The following OR6C76 variants were observed in gnomAD, a reference collection of about 807,000 sequenced individuals.
OR6C76 encodes the protein olfactory receptor family 6 subfamily C member 76.
For synonymous variants in OR6C76, 140 were observed against 137.8 expected, an observed-to-expected ratio of 1.02 and a Z score of -0.11; for missense variants, 352 against 357.3, an observed-to-expected ratio of 0.99 and a Z score of 0.12.
At position 55,426,345 on chromosome 12, in the gene OR6C76, T is replaced by C; in HGVS notation, c.92T>C (p.Leu31Pro). The C allele has an allele frequency of 6.2e-7, 1 of 1,613,298 alleles. No homozygotes were observed. Among genetic ancestry groups the C allele is most frequent in the Non-Finnish European group, 8.5e-7 (1 of 1,179,406 alleles). Reference sequence around the variant, plus strand: ...GTTGTGATTTTCTCGTTCCTATTTCTTACGTATGTACTGAGTGTTACTGGA... The same window carrying C: ...GTTGTGATTTTCTCGTTCCTATTTCCTACGTATGTACTGAGTGTTACTGGA... ...LQVVIFSFLF[L>P]TYVLSVTGNL... Residue 31 changes from leucine (L) to proline (P), a missense_variant, in exon 1 of 1, where the codon CTT (leucine) becomes CCT (proline). Coordinates refer to ENST00000328314, the MANE Select transcript of OR6C76 (RefSeq NM_001005183.1).
Position 55,426,325 on chromosome 12 carries a change from G to A in OR6C76, c.72G>A (p.Val24=), listed in dbSNP as rs779086329. 4 of 1,613,398 alleles carry A rather than the reference G, an allele frequency of 2.5e-6. No homozygotes were observed. The highest frequency in any genetic ancestry group is 1.1e-5 in the South Asian group (1 of 90,968). The change falls in exon 1 of 1, where the codon GTG becomes GTA. Residue 24 remains valine (V), a synonymous_variant. Coordinates refer to ENST00000328314, the MANE Select transcript of OR6C76 (RefSeq NM_001005183.1). ...GLTDNPQLQV[V]IFSFLFLTYV... Reference sequence around the variant, plus strand: ...CGGATAATCCGCAACTGCAGGTTGTGATTTTCTCGTTCCTATTTCTTACGT... The same window carrying A: ...CGGATAATCCGCAACTGCAGGTTGTAATTTTCTCGTTCCTATTTCTTACGT...
rs1188691354 is a variant in OR6C76 at position 55,426,762 on chromosome 12, T to C, written c.509T>C (p.Val170Ala). 5 of 1,613,356 alleles carry C rather than the reference T, an allele frequency of 3.1e-6. No individual in the cohort carries two copies. The highest frequency in any genetic ancestry group is 2.7e-5 in the African/African-American group (2 of 74,882). Residue 170 changes from valine (V) to alanine (A), a missense_variant, in exon 1 of 1, where the codon GTC (valine) becomes GCC (alanine). Physicochemically the swap from Val to Ala is moderately conservative, Grantham distance 64 (BLOSUM62 0). Coordinates refer to ENST00000328314, the MANE Select transcript of OR6C76 (RefSeq NM_001005183.1). ...CAGCTGGATTTCTGTGACTCCAATG[T>C]CATTGACCACTTTACCTGTGACTCT... ...GLQLDFCDSN[V>A]IDHFTCDSAP... is the part of the protein sequence containing the mutation.
chr12:55,426,582 T>C lies in OR6C76; in HGVS notation c.329T>C (p.Phe110Ser). 1 of 1,613,882 alleles carries C rather than the reference T, an allele frequency of 6.2e-7. No homozygotes were observed. The highest frequency in any genetic ancestry group is 8.5e-7 in the Non-Finnish European group (1 of 1,179,844). ...ATCTTCCTTGGCTCAACGGAGTTTT[T>C]CCTCCTGGCCTCTATGTCCTATGAT... is the stretch of plus-strand genomic sequence containing the variant. Reference protein sequence around the residue: ...FFIFLGSTEFFLLASMSYDCY... With the variant: ...FFIFLGSTEFSLLASMSYDCY... Residue 110 changes from phenylalanine (F) to serine (S), a missense_variant, in exon 1 of 1, where the codon TTC becomes TCC. Physicochemically the swap from Phe to Ser is radical, Grantham distance 155. Transcript: ENST00000328314.
Position 55,426,572 on chromosome 12 carries a change from A to G in OR6C76, c.319A>G (p.Thr107Ala), listed in dbSNP as rs775466642. ...QLFFFIFLGS[T>A]EFFLLASMSY... ...ATTTTTCTTTATCTTCCTTGGCTCA[A>G]CGGAGTTTTTCCTCCTGGCCTCTAT... The change falls in exon 1 of 1, where the codon ACG becomes GCG. Residue 107 changes from threonine to alanine, a missense_variant. Transcript: ENST00000328314. The G allele has an allele frequency of 6.2e-7, 1 of 1,613,828 alleles. No individual in the cohort carries two copies. The highest frequency in any genetic ancestry group is 2.2e-5 in the East Asian group (1 of 44,872).
In OR6C76 at chr12:55,427,106, T is replaced by C. The variant is rs1870993764; in HGVS notation, c.853T>C (p.Phe285Leu). 2 of 1,612,442 alleles carry C rather than the reference T, an allele frequency of 1.2e-6. No homozygotes were observed. The highest frequency in any genetic ancestry group is 1.7e-6 in the Non-Finnish European group (2 of 1,179,216). Residue 285 changes from phenylalanine to leucine, a missense_variant, in exon 1 of 1, where the codon TTT (phenylalanine) becomes CTT (leucine). Phe to Leu is a conservative substitution (Grantham distance 22). Transcript: ENST00000328314. ...NTSVAPMLNP[F>L]IYTLRNQQVK... Reference sequence around the variant, plus strand: ...CTCTGTCGCTCCTATGCTGAATCCATTTATTTACACTCTAAGAAACCAGCA... The same window carrying C: ...CTCTGTCGCTCCTATGCTGAATCCACTTATTTACACTCTAAGAAACCAGCA...
chr12:55,427,064 G>A lies in OR6C76; in HGVS notation c.811G>A (p.Val271Ile), dbSNP rs750396986. 26 of 1,613,100 alleles carry A rather than the reference G, an allele frequency of 1.6e-5. No individual in the cohort carries two copies. Among genetic ancestry groups the A allele is most frequent in the Non-Finnish European group, 2.1e-5 (25 of 1,179,480 alleles). ...GGAAGGAGTTGCTTTGACAAAAGGAGTAGCTATACTCAATACCTCTGTCGC... is the reference window on the plus strand; with the variant it reads ...GGAAGGAGTTGCTTTGACAAAAGGAATAGCTATACTCAATACCTCTGTCGC... ...AKEGVALTKG[V>I]AILNTSVAPM... The change falls in exon 1 of 1, where the codon GTA becomes ATA. Residue 271 changes from valine to isoleucine, a missense_variant. Physicochemically the swap from Val to Ile is conservative, Grantham distance 29. Transcript: ENST00000328314.
rs758932846 is a variant in OR6C76, at chr12:55,426,534, G to A, written c.281G>A (p.Cys94Tyr). ...GACAAATCCATATCTTATAATGCTT[G>A]TGCAGCTCAGCTATTTTTCTTTATC... is the stretch of plus-strand genomic sequence containing the variant. Reference protein sequence around the residue: ...TGDKSISYNACAAQLFFFIFL... With the variant: ...TGDKSISYNAYAAQLFFFIFL... Residue 94 changes from cysteine (C) to tyrosine (Y), a missense_variant, in exon 1 of 1, where the codon TGT becomes TAT. By Grantham distance (194) the Cys-to-Tyr change is radical (BLOSUM62 -2). Coordinates refer to ENST00000328314, the MANE Select transcript of OR6C76 (RefSeq NM_001005183.1). The A allele has an allele frequency of 4.3e-5, 70 of 1,613,706 alleles. No homozygotes were observed. The highest frequency in any genetic ancestry group is 4.2e-5 in the Non-Finnish European group (50 of 1,179,854).
Position 55,426,751 on chromosome 12 carries a change from T to G in OR6C76, c.498T>G (p.Cys166Trp). 6.2e-7 allele frequency: 1 copy of G among 1,613,420 alleles called. No individual in the cohort carries two copies. The highest frequency in any genetic ancestry group is 8.5e-7 in the Non-Finnish European group (1 of 1,179,828). Reference protein sequence around the residue: ...PLAMGLQLDFCDSNVIDHFTC... With the variant: ...PLAMGLQLDFWDSNVIDHFTC... ...CCATGGGCTTACAGCTGGATTTCTGTGACTCCAATGTCATTGACCACTTTA... is the reference window on the plus strand; with the variant it reads ...CCATGGGCTTACAGCTGGATTTCTGGGACTCCAATGTCATTGACCACTTTA... Residue 166 changes from cysteine (C) to tryptophan (W), a missense_variant, in exon 1 of 1, where the codon TGT becomes TGG. Transcript: ENST00000328314.
Position 55,426,450 on chromosome 12 carries a change from T to A in OR6C76, c.197T>A (p.Leu66Ter). 6.2e-7 allele frequency: 1 copy of A among 1,613,740 alleles called. No homozygotes were observed. Among genetic ancestry groups the A allele is most frequent in the Non-Finnish European group, 8.5e-7 (1 of 1,179,736 alleles). Reference protein sequence around the residue: ...PMYFFLRNFSLEISFTSVCNP... With the variant: ...PMYFFLRNFS ...TATTTCTTCCTCAGGAATTTCTCCT[T>A]GGAAATTTCATTTACTTCTGTCTGT... is the stretch of plus-strand genomic sequence containing the variant. The change falls in exon 1 of 1, where the codon TTG (leucine) becomes TAG (stop). Residue 66 changes from leucine (L) to a stop codon, truncating the protein, a stop_gained. Coordinates refer to ENST00000328314, the MANE Select transcript of OR6C76 (RefSeq NM_001005183.1). LOFTEE classifies it low-confidence loss of function (END_TRUNC).
Position 55,426,789 on chromosome 12 carries a change from C to A in OR6C76, c.536C>A (p.Ala179Asp), listed in dbSNP as rs755282156. The change falls in exon 1 of 1, where the codon GCT (alanine) becomes GAT (aspartate). Residue 179 changes from alanine (A) to aspartate (D), a missense_variant. Ala to Asp is a moderately radical substitution (Grantham distance 126, BLOSUM62 -2). Coordinates refer to ENST00000328314, the MANE Select transcript of OR6C76 (RefSeq NM_001005183.1). The stretch of plus-strand genomic sequence containing the variant: ...ATTGACCACTTTACCTGTGACTCTG[C>A]TCCTTTGCTGCAAATCTCTTGCACA... ...NVIDHFTCDS[A>D]PLLQISCTDT... is the part of the protein sequence containing the mutation. 3 of 1,613,510 alleles carry A rather than the reference C, an allele frequency of 1.9e-6. No individual in the cohort carries two copies. Among genetic ancestry groups the A allele is most frequent in the Non-Finnish European group, 2.5e-6 (3 of 1,179,810 alleles).
At position 55,427,183 on chromosome 12, in the gene OR6C76, A is replaced by G; in HGVS notation, c.930A>G (p.Lys310=). 1 of 1,544,760 alleles carries G rather than the reference A, an allele frequency of 6.5e-7. No individual in the cohort carries two copies. The highest frequency in any genetic ancestry group is 8.7e-7 in the Non-Finnish European group (1 of 1,149,308). ...DVLRKISHKK[K]KH ...TGAGAAAGATTTCCCACAAAAAAAA[A>G]AAACACTGATTTGAATGCAATTTAT... The change falls in exon 1 of 1, where the codon AAA becomes AAG. Residue 310 remains lysine (K), a synonymous_variant. Coordinates refer to ENST00000328314, the MANE Select transcript of OR6C76 (RefSeq NM_001005183.1).
Position 55,426,804 on chromosome 12 carries a change from T to A in OR6C76, c.551T>A (p.Ile184Asn). ...TGTGACTCTGCTCCTTTGCTGCAAA[T>A]CTCTTGCACAGACACAAGTACTCTA... is the stretch of plus-strand genomic sequence containing the variant. Reference protein sequence around the residue: ...FTCDSAPLLQISCTDTSTLEL... With the variant: ...FTCDSAPLLQNSCTDTSTLEL... The change falls in exon 1 of 1, where the codon ATC becomes AAC. Residue 184 changes from isoleucine (I) to asparagine (N), a missense_variant. By Grantham distance (149) the Ile-to-Asn change is moderately radical. Coordinates refer to ENST00000328314, the MANE Select transcript of OR6C76 (RefSeq NM_001005183.1). 1 of 1,613,524 alleles carries A rather than the reference T, an allele frequency of 6.2e-7. No homozygotes were observed. Among genetic ancestry groups the A allele is most frequent in the Non-Finnish European group, 8.5e-7 (1 of 1,179,794 alleles).
Position 55,426,910 on chromosome 12 carries a change from CAG to C in OR6C76, c.659_660del (p.Arg220AsnfsTer79). The C allele has an allele frequency of 6.2e-7, 1 of 1,613,476 alleles. No homozygotes were observed. The highest frequency in any genetic ancestry group is 1.3e-5 in the African/African-American group (1 of 75,020). On this transcript the variant is annotated frameshift_variant, in exon 1 of 1. Coordinates refer to ENST00000328314, the MANE Select transcript of OR6C76 (RefSeq NM_001005183.1). LOFTEE classifies it low-confidence loss of function (END_TRUNC). ...TAATTCTCTCCTATACTTACATCAT[CAG>C]AACTATTCTGAGAATCCCCTCAGCA... ...LVILSYTYII[R>X]TILRIPSAQQ... is the part of the protein sequence containing the mutation.
chr12:55,427,171 CCA>C lies in OR6C76; in HGVS notation c.921_922del (p.His307GlnfsTer?). 1 of 1,525,078 alleles carries C rather than the reference CCA, an allele frequency of 6.6e-7. No homozygotes were observed. The allele number at this position is 1,525,078 out of a possible 1,614,324, so 94.5% of individuals were successfully genotyped here. A position where few individuals can be genotyped will look rare whatever the true frequency, so the allele number is the denominator to read the frequency against. ...TTAAGGATGTTCTGAGAAAGATTTC[CCA>C]CAAAAAAAAAAAACACTGATTTGAA... is the stretch of plus-strand genomic sequence containing the variant. Reference protein sequence around the residue: ...AFKDVLRKISHKKKKH With the variant: ...AFKDVLRKISXKKKKH On this transcript the variant is annotated frameshift_variant, in exon 1 of 1. Coordinates refer to ENST00000328314, the MANE Select transcript of OR6C76 (RefSeq NM_001005183.1). LOFTEE classifies it low-confidence loss of function (END_TRUNC).
chr12:55,426,622 A>G lies in OR6C76; in HGVS notation c.369A>G (p.Ile123Met), dbSNP rs1870978175. 1 of 1,613,756 alleles carries G rather than the reference A, an allele frequency of 6.2e-7. No individual in the cohort carries two copies. Among genetic ancestry groups the G allele is most frequent in the Non-Finnish European group, 8.5e-7 (1 of 1,179,798 alleles). ...TGTCCTATGATTGCTATGTGGCTAT[A>G]TGTAAGCCTCTGCATTATACAACCA... ...ASMSYDCYVA[I>M]CKPLHYTTIM... Residue 123 changes from isoleucine (I) to methionine (M), a missense_variant, in exon 1 of 1, where the codon ATA (isoleucine) becomes ATG (methionine). Coordinates refer to ENST00000328314, the MANE Select transcript of OR6C76 (RefSeq NM_001005183.1).
rs753693106 is a variant in OR6C76 at position 55,426,278 on chromosome 12, G to T, written c.25G>T (p.Asp9Tyr). 5 of 1,603,672 alleles carry T rather than the reference G, an allele frequency of 3.1e-6. No homozygotes were observed. In the South Asian group the frequency reaches 5.6e-5, roughly 18 times the overall value. ...AATGAAAAATAGAACATCAGTGACA[G>T]ATTTCATCCTTCTGGGTCTGACGGA... Reference protein sequence around the residue: MKNRTSVTDFILLGLTDNP... With the variant: MKNRTSVTYFILLGLTDNP... Residue 9 changes from aspartate (D) to tyrosine (Y), a missense_variant, in exon 1 of 1, where the codon GAT (aspartate) becomes TAT (tyrosine). By Grantham distance (160) the Asp-to-Tyr change is radical. Transcript: ENST00000328314.
In OR6C76 at chr12:55,426,879, T is replaced by G. The variant is rs1301210309; in HGVS notation, c.626T>G (p.Ile209Arg). 3.1e-6 allele frequency: 5 copies of G among 1,613,376 alleles called. No homozygotes were observed. The highest frequency in any genetic ancestry group is 4.2e-6 in the Non-Finnish European group (5 of 1,179,672). ...CTGTTTACTCTTATATCCACTTTGA[T>G]ATTAGTAATTCTCTCCTATACTTAC... ...LALFTLISTL[I>R]LVILSYTYII... Residue 209 changes from isoleucine to arginine, a missense_variant, in exon 1 of 1, where the codon ATA becomes AGA. Transcript: ENST00000328314.
chr12:55,426,706 G>A lies in OR6C76; in HGVS notation c.453G>A (p.Leu151=). The change falls in exon 1 of 1, where the codon TTG becomes TTA. Residue 151 remains leucine, a synonymous_variant. Coordinates refer to ENST00000328314, the MANE Select transcript of OR6C76 (RefSeq NM_001005183.1). ...LIISSWLAGF[L]VIFPPLAMGL... ...TCAGCTCTTGGCTGGCTGGTTTCTT[G>A]GTAATTTTTCCACCACTGGCCATGG... The A allele has an allele frequency of 6.2e-7, 1 of 1,613,404 alleles. No homozygotes were observed. The highest frequency in any genetic ancestry group is 8.5e-7 in the Non-Finnish European group (1 of 1,179,812).
Position 55,427,087 on chromosome 12 carries a change from C to T in OR6C76, c.834C>T (p.Val278=), listed in dbSNP as rs199501701. The change falls in exon 1 of 1, where the codon GTC becomes GTT. Residue 278 remains valine (V), a synonymous_variant. Coordinates refer to ENST00000328314, the MANE Select transcript of OR6C76 (RefSeq NM_001005183.1). ...TKGVAILNTS[V]APMLNPFIYT... ...GAGTAGCTATACTCAATACCTCTGTCGCTCCTATGCTGAATCCATTTATTT... is the reference window on the plus strand; with the variant it reads ...GAGTAGCTATACTCAATACCTCTGTTGCTCCTATGCTGAATCCATTTATTT... 20 of 1,612,648 alleles carry T rather than the reference C, an allele frequency of 1.2e-5. No homozygotes were observed. The highest frequency in any genetic ancestry group is 8.0e-5 in the African/African-American group (6 of 74,874).
Sources: gnomAD v4.1 joint callset for allele counts on GRCh38, gnomAD v4.1.1 for gene constraint, MANE v1.5 for transcripts, NCBI Gene and HGNC (gene_info 2026-07-23, HGNC 2026-07-21) for gene names.